NBEA: variants seen among roughly 807,000 people sequenced by gnomAD.
The protein encoded by NBEA is lysosomal-trafficking regulator 2.
NBEA carries 44 observed loss-of-function variants against 343.4 expected under a neutral mutation model. That is an observed-to-expected ratio of 0.13 (90% confidence interval 0.10 to 0.16). NBEA has a LOEUF of 0.16. Among genes scored for constraint, NBEA ranks in the 10% least tolerant of loss-of-function variants. The probability of loss-of-function intolerance (pLI) is 1.00; values close to 1 mark genes in which losing one functional copy is unlikely to be tolerated. For missense variants in NBEA, 2,555 were observed against 3,631.3 expected (o/e 0.70, Z 7.62); for synonymous variants, 1,175 against 1,238.7 (o/e 0.95, Z 1.08).
intron 1 of NBEA, among the ~76,000 whole-genome samples, chr13:34,958,757 A>G (rs2059573578): frequency 6.6e-6 from 1 of 152,102 alleles, no homozygotes; most frequent in African/African-American, 2.4e-5. Context: ...ACTTATTTCT[A>G]ATTTTTGCAG....
At chr13:35,021,890 T>G (rs1306707861) in intron 1 of NBEA, among the ~76,000 whole-genome samples, 2 of 152,148 alleles carry the variant, frequency 1.3e-5, no homozygotes, top group Admixed American at 1.3e-4. Flanking sequence ...GTGGAATTTT[T>G]TCTAAACAAG....
intron 38 of NBEA, among the ~76,000 whole-genome samples, chr13:35,423,866 A>G (rs144216062): frequency 0.016 from 2,426 of 152,236 alleles, 82 homozygotes; most frequent in African/African-American, 0.055. Context: ...GGTCCTTCAT[A>G]TCCGTTGTAA....
intron 43 of NBEA, among the ~76,000 whole-genome samples, chr13:35,551,584 T>G (rs1424269113): frequency 3.3e-5 from 5 of 152,200 alleles, no homozygotes; most frequent in Admixed American, 3.3e-4. Context: ...TAATCAGTAG[T>G]TACTTATATT....
At chr13:35,532,178 T>C (rs2078296024) in intron 41 of NBEA, among the ~76,000 whole-genome samples, 1 of 152,210 alleles carries the variant, frequency 6.6e-6, no homozygotes, top group Non-Finnish European at 1.5e-5. Flanking sequence ...GTATTTAGCT[T>C]CGATTTGTCA....
chr13:35,362,818 A>G (rs773659830), intron 38 of NBEA, among the ~76,000 whole-genome samples: 1 of 152,000 alleles, frequency 6.6e-6, no homozygotes, highest in Non-Finnish European at 1.5e-5. Context: ...CACTGTTTCA[A>G]TAATTTAAAG....
intron 41 of NBEA, 39 bp from the exon 42 acceptor site, chr13:35,550,438 T>C: frequency 8.3e-7 from 1 of 1,203,614 alleles, no homozygotes; most frequent in Non-Finnish European, 1.2e-6. Context: ...AAATCCATAT[T>C]TTATTGATTG....
chr13:35,667,640 A>G (rs578000025), intron 57 of NBEA, 70 bp downstream of exon 57: 129 of 1,324,194 alleles, frequency 9.7e-5, no homozygotes, highest in Admixed American at 1.8e-5. Flanking sequence ...TTTACATTAA[A>G]TAATTCATAA....
chr13:35,218,646 A>G (rs747804647), intron 33 of NBEA, among the ~76,000 whole-genome samples: 43 of 151,940 alleles, frequency 2.8e-4, no homozygotes, highest in Non-Finnish European at 4.1e-4. Flanking sequence ...TTAATTATAT[A>G]TAATTTTCAA....
intron 41 of NBEA, among the ~76,000 whole-genome samples, chr13:35,499,115 G>C (rs1306093864): frequency 6.6e-6 from 1 of 152,098 alleles, no homozygotes; most frequent in Non-Finnish European, 1.5e-5. Flanking sequence ...AAATTGATGT[G>C]ATGCTTTTTA....
At chr13:35,385,143 G>T (rs2152895007) in intron 38 of NBEA, among the ~76,000 whole-genome samples, 1 of 152,198 alleles carries the variant, frequency 6.6e-6, no homozygotes, top group African/African-American at 2.4e-5. Flanking sequence ...ATTTTAATAA[G>T]TTCTAAAATA....
chr13:35,236,470 G>A (rs933519784), intron 34 of NBEA, among the ~76,000 whole-genome samples: 23 of 149,626 alleles, frequency 1.5e-4, no homozygotes, highest in Admixed American at 4.7e-4. Flanking sequence ...TGTTTGAGAC[G>A]GAGTCTTGCT....
At chr13:35,428,620 A>AT (rs1293840345) in intron 38 of NBEA, among the ~76,000 whole-genome samples, 3 of 151,824 alleles carry the variant, frequency 2.0e-5, no homozygotes, top group Non-Finnish European at 2.9e-5. Context: ...TGCTAAGTGT[A>AT]TTTTTTTCAT....
At chr13:35,221,169 C>A (rs531737880) in intron 33 of NBEA, among the ~76,000 whole-genome samples, 3 of 152,096 alleles carry the variant, frequency 2.0e-5, no homozygotes, top group South Asian at 4.2e-4. Context: ...CATAGTGAAA[C>A]CCCATCTCTG....
chr13:35,467,238 C>T (rs947397982), intron 40 of NBEA, among the ~76,000 whole-genome samples: 2 of 152,056 alleles, frequency 1.3e-5, no homozygotes, highest in African/African-American at 4.8e-5. Flanking sequence ...CTGTGGGAGG[C>T]CAAGGCGGGC....
chr13:35,451,008 T>G (rs1228180203), intron 39 of NBEA, among the ~76,000 whole-genome samples: 2 of 152,226 alleles, frequency 1.3e-5, no homozygotes, highest in African/African-American at 4.8e-5. Context: ...TCTTGAGGGA[T>G]TCAGATGCAT....
intron 38 of NBEA, among the ~76,000 whole-genome samples, chr13:35,362,026 G>A (rs1217987987): frequency 4.6e-5 from 7 of 151,814 alleles, no homozygotes; most frequent in Admixed American, 1.3e-4. Flanking sequence ...GTCAGAATGT[G>A]AATTTTACTA....
At chr13:35,037,069 G>T (rs762499410) in intron 1 of NBEA, among the ~76,000 whole-genome samples, 44 of 152,068 alleles carry the variant, frequency 2.9e-4, no homozygotes, top group Non-Finnish European at 5.3e-4. Context: ...TCTAGATCAT[G>T]TAGGCATGTG....
intron 47 of NBEA, among the ~76,000 whole-genome samples, chr13:35,594,715 G>A (rs2081688858): frequency 6.6e-6 from 1 of 151,810 alleles, no homozygotes. Flanking sequence ...AACACTTTGA[G>A]AATTAATACA....
chr13:35,070,670 T>G, intron 9 of NBEA, 49 bp from the exon 10 acceptor site: 3 of 1,468,570 alleles, frequency 2.0e-6, no homozygotes, highest in Non-Finnish European at 1.9e-6. Context: ...GAAATAGTGA[T>G]GAAATCATTC....
Sources: gnomAD v4.1 joint callset for allele counts (sites outside exome capture counted in the v4.1 genomes callset) on GRCh38, gnomAD v4.1.1 for gene constraint, MANE v1.5 for transcripts, NCBI Gene and HGNC (gene_info 2026-07-23, HGNC 2026-07-21) for gene names.